Variants in TMEM38B observed in about 807,000 individuals in gnomAD.
TMEM38B encodes the protein transmembrane protein 38B, also known as trimeric intracellular cation channel type B.
Under a neutral mutation model 28.7 loss-of-function variants are expected in TMEM38B, and 24 were observed. That is an observed-to-expected ratio of 0.84 (90% CI 0.61 to 1.18). The LOEUF (loss-of-function observed/expected upper bound fraction) is 1.18. Among genes scored for constraint, TMEM38B ranks in the 50% most tolerant of loss-of-function variants. TMEM38B has a pLI of 0.00. For synonymous variants in TMEM38B, 131 were observed against 127.7 expected (o/e 1.03, Z -0.17); for missense variants, 380 against 350.9 (o/e 1.08, Z -0.66).
chr9:105,758,693 A>G (rs1837922828), intron 5 of TMEM38B: 3 of 750,910 alleles, frequency 4.0e-6, no homozygotes, highest in African/African-American at 3.5e-5. Flanking sequence ...CAGAATTGAG[A>G]AAAAACAACA....
chr9:105,731,997 T>G (rs1366288494), intron 4 of TMEM38B, among the ~76,000 whole-genome samples: 1 of 152,188 alleles, frequency 6.6e-6, no homozygotes, highest in Non-Finnish European at 1.5e-5. Flanking sequence ...ATGATCACCA[T>G]TCTAACTGGC....
At chr9:105,749,047 G>A (rs779088258) in intron 5 of TMEM38B, 3 of 1,298,268 alleles carry the variant, frequency 2.3e-6, no homozygotes, top group South Asian at 2.5e-5. Flanking sequence ...TGAAGTCACT[G>A]TGTGAATCAT....
At chr9:105,759,357 C>T (rs1837952345) in intron 5 of TMEM38B, 1 of 1,250,320 alleles carries the variant, frequency 8.0e-7, no homozygotes. Flanking sequence ...GTGCCTTCTT[C>T]TCAGTCTGCT....
chr9:105,739,317 T>C (rs1837102629), intron 4 of TMEM38B, among the ~76,000 whole-genome samples: 1 of 152,184 alleles, frequency 6.6e-6, no homozygotes, highest in East Asian at 1.9e-4. Context: ...TTTTTTTTTT[T>C]TTCCAAGATT....
At chr9:105,696,281 T>G (rs1481402255) in intron 1 of TMEM38B, among the ~76,000 whole-genome samples, 1 of 152,096 alleles carries the variant, frequency 6.6e-6, no homozygotes, top group African/African-American at 2.4e-5. Context: ...AAGAATACAT[T>G]ATCATTATTA....
chr9:105,721,314 A>T (rs1234377124), intron 2 of TMEM38B, among the ~76,000 whole-genome samples: 1 of 152,144 alleles, frequency 6.6e-6, no homozygotes. Flanking sequence ...CACAGTTTAC[A>T]TTCTTCTCTG....
At position 105,757,328 on chromosome 9, in the gene TMEM38B, C is replaced by T. The variant is rs1837868718; in HGVS notation, c.660+9138C>T. Among the ~76,000 whole-genome samples the T allele has an allele frequency of 2.0e-5, 3 of 152,076 alleles. No homozygotes were observed. In the South Asian group the frequency reaches 6.2e-4, roughly 32 times the overall value. On this transcript the variant is annotated intron_variant, in intron 5 of 5. Coordinates refer to ENST00000374692, the MANE Select transcript of TMEM38B (RefSeq NM_018112.3). ...ACTTGTTGGTTGATGGGCATTTAGG[C>T]TGGTTCCATATTTTTGCAATTGCTA...
chr9:105,697,937 T>C (rs1373597617), intron 1 of TMEM38B, among the ~76,000 whole-genome samples: 1 of 152,190 alleles, frequency 6.6e-6, no homozygotes, highest in East Asian at 1.9e-4. Flanking sequence ...TTTTTTGTTG[T>C]ATAGATGTTC....
intron 4 of TMEM38B, among the ~76,000 whole-genome samples, chr9:105,744,921 C>T (rs1345192280): frequency 6.6e-6 from 1 of 152,152 alleles, no homozygotes; most frequent in Admixed American, 6.5e-5. Flanking sequence ...ATGAACTGAT[C>T]ATTTTTTATG....
At chr9:105,708,803 C>G (rs1170759246) in intron 2 of TMEM38B, among the ~76,000 whole-genome samples, 2 of 151,928 alleles carry the variant, frequency 1.3e-5, no homozygotes, top group African/African-American at 4.8e-5. Context: ...TCACATCATC[C>G]TTCTTTATTT....
At chr9:105,743,282 A>G (rs1432565653) in intron 4 of TMEM38B, among the ~76,000 whole-genome samples, 1 of 152,154 alleles carries the variant, frequency 6.6e-6, no homozygotes, top group East Asian at 1.9e-4. Context: ...AATTTGTTGT[A>G]ATTTATTGCC....
intron 4 of TMEM38B, among the ~76,000 whole-genome samples, chr9:105,733,029 T>G (rs1316961752): frequency 6.6e-6 from 1 of 152,140 alleles, no homozygotes; most frequent in Non-Finnish European, 1.5e-5. Context: ...TCAGTTTCCA[T>G]GTAGTTGTGC....
Position 105,754,823 on chromosome 9 carries a change from A to C in TMEM38B, c.660+6633A>C, listed in dbSNP as rs553678974. 9.8e-5 allele frequency among the ~76,000 whole-genome samples: 15 copies of C among 152,338 alleles called. 1 individual carries two copies. The highest frequency in any genetic ancestry group is 1.8e-4 in the Non-Finnish European group (12 of 68,038). On this transcript the variant is annotated intron_variant, in intron 5 of 5. Coordinates refer to ENST00000374692, the MANE Select transcript of TMEM38B (RefSeq NM_018112.3). Reference sequence around the variant, plus strand: ...ACACAAAAAGCCCTTCAAAAAAATCAACAAATCCATGAGCTGGTTTTTGGA... The same window carrying C: ...ACACAAAAAGCCCTTCAAAAAAATCCACAAATCCATGAGCTGGTTTTTGGA...
intron 4 of TMEM38B, among the ~76,000 whole-genome samples, chr9:105,747,619 C>G (rs1234483759): frequency 5.3e-5 from 8 of 152,100 alleles, no homozygotes; most frequent in African/African-American, 1.9e-4. Flanking sequence ...CTTCTGCTAG[C>G]TTTTGAATGT....
At chr9:105,704,936 A>G (rs1282218657) in intron 1 of TMEM38B, among the ~76,000 whole-genome samples, 1 of 152,090 alleles carries the variant, frequency 6.6e-6, no homozygotes, top group South Asian at 2.1e-4. Flanking sequence ...AGTAAAAAAA[A>G]AAAAGAGATA....
chr9:105,732,286 T>C (rs111458618), intron 4 of TMEM38B, among the ~76,000 whole-genome samples: 17 of 152,344 alleles, frequency 1.1e-4, no homozygotes, highest in African/African-American at 3.8e-4. Context: ...GTAGTTTCTT[T>C]TGCTGTGCAG....
intron 4 of TMEM38B, among the ~76,000 whole-genome samples, chr9:105,727,570 C>T (rs551838508): frequency 1.3e-3 from 192 of 152,256 alleles, no homozygotes; most frequent in Admixed American, 3.9e-3. Context: ...CCAAAATGTT[C>T]CAATGAGCCT....
intron 4 of TMEM38B, among the ~76,000 whole-genome samples, chr9:105,725,703 A>G (rs1448159643): frequency 6.6e-6 from 1 of 152,110 alleles, no homozygotes; most frequent in Non-Finnish European, 1.5e-5. Context: ...AAACATACCT[A>G]AAGAGAAAAG....
At chr9:105,749,133 A>G in intron 5 of TMEM38B, 1 of 1,300,614 alleles carries the variant, frequency 7.7e-7, no homozygotes, top group South Asian at 1.2e-5. Context: ...TGGAGGCAAA[A>G]TCTCTTCACA....
Sources: gnomAD v4.1 joint callset for allele counts (sites outside exome capture counted in the v4.1 genomes callset) on GRCh38, gnomAD v4.1.1 for gene constraint, MANE v1.5 for transcripts, NCBI Gene and HGNC (gene_info 2026-07-23, HGNC 2026-07-21) for gene names.